Variants in SFMBT2 observed in about 807,000 individuals in gnomAD.
SFMBT2 encodes scm-like with four MBT domains protein 2.
SFMBT2 carries 38 observed loss-of-function variants against 110.1 expected under a neutral mutation model. The ratio of observed to expected loss-of-function variants is 0.35; its 90% CI spans 0.27 to 0.45. The LOEUF is 0.45. SFMBT2 is among the 20% of genes least tolerant of loss of function. SFMBT2 has a pLI of 1.00. For synonymous variants in SFMBT2, 425 were observed against 425.4 expected (o/e 1.00, Z 0.01); for missense variants, 1,011 against 1,094.9 (o/e 0.92, Z 1.08).
intron 7 of SFMBT2, among the ~76,000 whole-genome samples, chr10:7,258,003 C>T (rs1052697204): frequency 1.3e-5 from 2 of 152,190 alleles, no homozygotes; most frequent in South Asian, 2.1e-4. Flanking sequence ...GCAATCAAGG[C>T]TTGCTGCAAC....
At position 7,163,730 on chromosome 10, in the gene SFMBT2, C is replaced by T; in HGVS notation, c.*40G>A. Reference sequence around the variant, plus strand: ...TCAGTCCTGGAAACCTTTACCAACACCGCATCCCAGCAATAATGGGCCACC... The same window carrying T: ...TCAGTCCTGGAAACCTTTACCAACATCGCATCCCAGCAATAATGGGCCACC... On this transcript the variant is annotated 3_prime_UTR_variant, in exon 21 of 21. Transcript: ENST00000397167. This position sits in a 1 kb window ranked among gnomAD's most constrained non-coding sequence, Gnocchi z 4.8. The T allele has an allele frequency of 6.3e-7, 1 of 1,576,294 alleles. No individual in the cohort carries two copies. Among genetic ancestry groups the T allele is most frequent in the Non-Finnish European group, 8.7e-7 (1 of 1,148,366 alleles).
At chr10:7,207,726 G>A (rs745496213) in intron 11 of SFMBT2, among the ~76,000 whole-genome samples, 4 of 152,160 alleles carry the variant, frequency 2.6e-5, no homozygotes, top group African/African-American at 9.7e-5. Context: ...GAGCTCCACC[G>A]GCTCTGACTT....
intron 12 of SFMBT2, chr10:7,204,292 A>G (rs889258938): frequency 1.0e-5 from 10 of 960,170 alleles, no homozygotes; most frequent in Admixed American, 6.2e-5. Flanking sequence ...GCCATCAGGG[A>G]ATGTGAAGTC....
At chr10:7,394,699 TA>T (rs1031553586) in intron 1 of SFMBT2, among the ~76,000 whole-genome samples, 1 of 152,142 alleles carries the variant, frequency 6.6e-6, no homozygotes, top group African/African-American at 2.4e-5. Flanking sequence ...AAATTTTTCA[TA>T]AACTGTCTAA....
At chr10:7,245,261 C>T (rs1370273229) in intron 8 of SFMBT2, among the ~76,000 whole-genome samples, 2 of 152,076 alleles carry the variant, frequency 1.3e-5, no homozygotes, top group African/African-American at 4.8e-5. Context: ...AAAATAAAAG[C>T]TCCACAATGG....
chr10:7,186,104 T>C (rs1229429478), intron 16 of SFMBT2, among the ~76,000 whole-genome samples: 1 of 152,090 alleles, frequency 6.6e-6, no homozygotes, highest in Non-Finnish European at 1.5e-5. Context: ...GTTGGATAAA[T>C]AGGGGAAAAA....
intron 4 of SFMBT2, among the ~76,000 whole-genome samples, chr10:7,331,105 C>T (rs961577705): frequency 6.6e-6 from 1 of 152,238 alleles, no homozygotes; most frequent in Admixed American, 6.5e-5. Context: ...TTCTTTGGTA[C>T]TTGTATTCTG....
intron 10 of SFMBT2, among the ~76,000 whole-genome samples, chr10:7,220,828 T>TTCTC (rs1273541763): frequency 6.9e-6 from 1 of 144,372 alleles, no homozygotes; most frequent in Non-Finnish European, 1.5e-5. Flanking sequence ...CCTTCCTTCT[T>TTCTC]TTTTTTTTTT....
intron 4 of SFMBT2, among the ~76,000 whole-genome samples, chr10:7,325,015 T>A (rs1843335601): frequency 7.2e-6 from 1 of 139,562 alleles, no homozygotes; most frequent in Non-Finnish European, 1.5e-5. Flanking sequence ...TTGCCCAGGC[T>A]GGAGTGCAAT....
At chr10:7,405,154 G>C (rs771012832) in intron 1 of SFMBT2, among the ~76,000 whole-genome samples, 2 of 152,218 alleles carry the variant, frequency 1.3e-5, no homozygotes, top group Non-Finnish European at 2.9e-5. Flanking sequence ...GAACTTCAGA[G>C]TGGATGCTCA....
At chr10:7,257,721 G>A (rs1841072398) in intron 7 of SFMBT2, among the ~76,000 whole-genome samples, 1 of 152,170 alleles carries the variant, frequency 6.6e-6, no homozygotes, top group South Asian at 2.1e-4. Flanking sequence ...CTTTTAAAAT[G>A]TCACTATGTG....
At chr10:7,284,778 A>G (rs886376311) in intron 5 of SFMBT2, 3 of 185,032 alleles carry the variant, frequency 1.6e-5, no homozygotes, top group Non-Finnish European at 3.1e-5. Flanking sequence ...ATGTATAATT[A>G]CTGCCCCTTC....
intron 4 of SFMBT2, among the ~76,000 whole-genome samples, chr10:7,338,970 C>T (rs570906253): frequency 1.3e-5 from 2 of 152,250 alleles, no homozygotes; most frequent in South Asian, 2.1e-4. Context: ...CCAGGCACAG[C>T]GGCTCACACC....
chr10:7,191,783 G>A (rs1413089000), intron 15 of SFMBT2, among the ~76,000 whole-genome samples: 2 of 152,212 alleles, frequency 1.3e-5, no homozygotes, highest in Non-Finnish European at 2.9e-5. Context: ...ACTGGCAAGA[G>A]TAGGTGCTCT....
At chr10:7,375,954 G>A (rs1845195541) in intron 2 of SFMBT2, among the ~76,000 whole-genome samples, 1 of 152,108 alleles carries the variant, frequency 6.6e-6, no homozygotes, top group African/African-American at 2.4e-5. Context: ...CCAAATAGAA[G>A]AGCCTGTGGT....
intron 7 of SFMBT2, among the ~76,000 whole-genome samples, chr10:7,267,783 C>T (rs1841442480): frequency 1.3e-5 from 2 of 152,122 alleles, no homozygotes; most frequent in Admixed American, 1.3e-4. Context: ...AAAGTTCCAA[C>T]AATTTCCCTT....
At chr10:7,215,815 G>C in intron 11 of SFMBT2, 2 of 798,100 alleles carry the variant, frequency 2.5e-6, no homozygotes, top group African/African-American at 1.9e-5. Flanking sequence ...ATGGCTCCCC[G>C]TGCATCGAAC....
intron 2 of SFMBT2, among the ~76,000 whole-genome samples, chr10:7,374,706 G>T (rs528421675): frequency 6.6e-6 from 1 of 152,116 alleles, no homozygotes; most frequent in Admixed American, 6.5e-5. Context: ...CACTTAAAAA[G>T]GTAACCAAAA....
At chr10:7,195,753 G>A (rs572972903) in intron 15 of SFMBT2, among the ~76,000 whole-genome samples, 24 of 152,216 alleles carry the variant, frequency 1.6e-4, no homozygotes, top group Middle Eastern at 6.8e-3. Flanking sequence ...AGATGCCTCC[G>A]GTGTGATCTC....
Sources: gnomAD v4.1 joint callset for allele counts (sites outside exome capture counted in the v4.1 genomes callset) on GRCh38, gnomAD v4.1.1 for gene constraint, Gnocchi (gnomAD v3.1) non-coding constraint, MANE v1.5 for transcripts, NCBI Gene and HGNC (gene_info 2026-07-23, HGNC 2026-07-21) for gene names.